The following SLITRK3 variants were observed in gnomAD, a reference collection of about 807,000 sequenced individuals.
The protein encoded by SLITRK3 is SLIT and NTRK like family member 3, also known as SLIT and NTRK-like protein 3.
SLITRK3 carries 16 observed loss-of-function variants against 63.6 expected under a neutral mutation model. The observed-to-expected ratio is 0.25, with a 90% CI of 0.17 to 0.38. The LOEUF (loss-of-function observed/expected upper bound fraction) is 0.38, where lower values mean the gene tolerates loss of function less well. Among genes scored for constraint, SLITRK3 ranks in the 10% least tolerant of loss-of-function variants. The pLI is 1.00. For missense variants in SLITRK3, 1,117 were observed against 1,181.4 expected, an observed-to-expected ratio of 0.95 and a Z score of 0.80; for synonymous variants, 547 against 451.6, an observed-to-expected ratio of 1.21 and a Z score of -2.68.
In SLITRK3 at chr3:165,190,831, C is replaced by T. The variant is rs780491999; in HGVS notation, c.-1G>A. 2.5e-5 allele frequency: 39 copies of T among 1,562,272 alleles called. No homozygotes were observed. The highest frequency in any genetic ancestry group is 1.4e-4 in the East Asian group (6 of 44,376). ...GCATCTCAGCTATGGAAGGTTTCATCGTTCGTGGTTGATTACAAAACTGCA... is the reference window on the plus strand; with the variant it reads ...GCATCTCAGCTATGGAAGGTTTCATTGTTCGTGGTTGATTACAAAACTGCA... On this transcript the variant is annotated 5_prime_UTR_variant, in exon 2 of 2. Coordinates refer to ENST00000475390, the MANE Select transcript of SLITRK3 (RefSeq NM_001318810.2).
chr3:165,189,249 A>C lies in SLITRK3; in HGVS notation c.1582T>G (p.Ser528Ala), dbSNP rs780182834. ...TTCCTCAGGTTGAGCCGGGCCAGGG[A>C]TGTGCCAGCAAAGGCGTCTGTTGGC... The part of the protein sequence containing the change: ...TLPTDAFAGT[S>A]LARLNLRKNY... Residue 528 changes from serine (S) to alanine (A), a missense_variant, in exon 2 of 2, where the codon TCC becomes GCC. By Grantham distance (99) the Ser-to-Ala change is moderately conservative. This residue lies in a region of SLITRK3 where 158 missense variants were observed against 197.2 expected (regional missense o/e 0.80). Transcript: ENST00000475390. The surrounding 1 kb of genome is among the most constrained non-coding windows in gnomAD (Gnocchi z 4.0). 6.2e-7 allele frequency: 1 copy of C among 1,614,176 alleles called. No individual in the cohort carries two copies. Among genetic ancestry groups the C allele is most frequent in the Admixed American group, 1.7e-5 (1 of 60,028 alleles).
At position 165,187,784 on chromosome 3, in the gene SLITRK3, A is replaced by G. The variant is rs1293899722; in HGVS notation, c.*113T>C. ...GTTTTAGTTTTGTTCAGGGTAGGAA[A>G]GATCGTGAGGATGGAGTTACTGGGA... On this transcript the variant is annotated 3_prime_UTR_variant, in exon 2 of 2. Transcript: ENST00000475390. 4 of 860,668 alleles carry G rather than the reference A, an allele frequency of 4.6e-6. No individual in the cohort carries two copies. The highest frequency in any genetic ancestry group is 5.4e-6 in the Non-Finnish European group (3 of 556,466). The allele number at this position is 860,668 out of a possible 1,614,324, so 53.3% of individuals were successfully genotyped here. A position where few individuals can be genotyped will look rare whatever the true frequency, so the allele number is the denominator to read the frequency against.
rs542130373 is a variant in SLITRK3, at chr3:165,196,187, G to C, written c.-629C>G. Among the ~76,000 whole-genome samples the C allele has an allele frequency of 9.9e-5, 15 of 151,464 alleles. No homozygotes were observed. The South Asian group carries it at 3.0e-3, about 30-fold the overall frequency. On this transcript the variant is annotated 5_prime_UTR_variant, in exon 1 of 2. Coordinates refer to ENST00000475390, the MANE Select transcript of SLITRK3 (RefSeq NM_001318810.2). ...GAGAAGAAAAGGGTGGGGAGAGGCG[G>C]AAAGGAGGCAGGAAGGGGGCGACTA...
rs1282805756 is a variant in SLITRK3, at chr3:165,189,286, T to C, written c.1545A>G (p.Leu515=). The change falls in exon 2 of 2, where the codon TTA becomes TTG. Residue 515 remains leucine (L), a synonymous_variant. Transcript: ENST00000475390. The surrounding 1 kb of genome is among the most constrained non-coding windows in gnomAD (Gnocchi z 4.0). ...AGGCGTCTGTTGGCAGAGTCCTCAG[T>C]AAGTTATTATTGAGGAATAGCAGCT... ...NLKLLFLNNN[L]LRTLPTDAFA... 6.2e-7 allele frequency: 1 copy of C among 1,614,146 alleles called. No homozygotes were observed.
intron 1 of SLITRK3, among the ~76,000 whole-genome samples, chr3:165,192,198 T>G (rs1718254186): frequency 7.8e-6 from 1 of 128,914 alleles, no homozygotes; most frequent in Admixed American, 7.9e-5. Context: ...ATAGGAAAAG[T>G]GAAAGAAATA....
Position 165,188,389 on chromosome 3 carries a change from T to C in SLITRK3, c.2442A>G (p.Lys814=), listed in dbSNP as rs773719181. ...NHSNYRTLLE[K]EKEWALAVSS... is the part of the protein sequence containing the mutation. The stretch of plus-strand genomic sequence containing the variant: ...ACACTGCTAGGGCCCACTCCTTCTC[T>C]TTTTCCAGCAAGGTCCGGTAGTTAC... Residue 814 remains lysine (K), a synonymous_variant, in exon 2 of 2, where the codon AAA becomes AAG. Transcript: ENST00000475390. 3 of 1,613,960 alleles carry C rather than the reference T, an allele frequency of 1.9e-6. No individual in the cohort carries two copies. Among genetic ancestry groups the C allele is most frequent in the South Asian group, 2.2e-5 (2 of 91,050 alleles).
Position 165,190,032 on chromosome 3 carries a change from A to C in SLITRK3, c.799T>G (p.Phe267Val). 1 of 1,613,814 alleles carries C rather than the reference A, an allele frequency of 6.2e-7. No individual in the cohort carries two copies. Among genetic ancestry groups the C allele is most frequent in the Non-Finnish European group, 8.5e-7 (1 of 1,179,746 alleles). Residue 267 changes from phenylalanine to valine, a missense_variant, in exon 2 of 2, where the codon TTC becomes GTC. By Grantham distance (50) the Phe-to-Val change is conservative. Transcript: ENST00000475390. ...ATTTCTCGTAGGTCCTTTCCATGGA[A>C]GTGGAAAGGGGTCTCACAGGTAATG... ...GDITCETPFH[F>V]HGKDLREIRK...
At position 165,190,519 on chromosome 3, in the gene SLITRK3, C is replaced by T; in HGVS notation, c.312G>A (p.Val104=). 6 of 1,613,734 alleles carry T rather than the reference C, an allele frequency of 3.7e-6. No individual in the cohort carries two copies. Among genetic ancestry groups the T allele is most frequent in the Non-Finnish European group, 5.1e-6 (6 of 1,179,852 alleles). Residue 104 remains valine (V), a synonymous_variant, in exon 2 of 2, where the codon GTG becomes GTA. Transcript: ENST00000475390. ...ATGCATTGTTCCCAAGATTAATAGA[C>T]ACAGCATTATTCAAATGAAGAAAAC... ...TNSFLHLNNA[V]SINLGNNALQ...
Position 165,190,254 on chromosome 3 carries a change from A to G in SLITRK3, c.577T>C (p.Phe193Leu). 1 of 1,614,174 alleles carries G rather than the reference A, an allele frequency of 6.2e-7. No homozygotes were observed. The highest frequency in any genetic ancestry group is 8.5e-7 in the Non-Finnish European group (1 of 1,180,030). The change falls in exon 2 of 2, where the codon TTT (phenylalanine) becomes CTT (leucine). Residue 193 changes from phenylalanine to leucine, a missense_variant. Transcript: ENST00000475390. Reference protein sequence around the residue: ...NLIPMLPTNLFKAVSLTHLDL... With the variant: ...NLIPMLPTNLLKAVSLTHLDL... Reference sequence around the variant, plus strand: ...AAATGGGTTAAAGAGACAGCCTTAAATAAATTGGTTGGAAGCATGGGGATG... The same window carrying G: ...AAATGGGTTAAAGAGACAGCCTTAAGTAAATTGGTTGGAAGCATGGGGATG...
Position 165,189,307 on chromosome 3 carries a change from C to G in SLITRK3, c.1524G>C (p.Leu508=). The change falls in exon 2 of 2, where the codon CTG becomes CTC. Residue 508 remains leucine, a synonymous_variant. Transcript: ENST00000475390. The surrounding 1 kb of genome is among the most constrained non-coding windows in gnomAD (Gnocchi z 4.0). ...AAFSLMPNLK[L]LFLNNNLLRT... is the part of the protein sequence containing the mutation. ...TCAGTAAGTTATTATTGAGGAATAG[C>G]AGCTTCAAGTTGGGCATGAGGCTGA... 1.3e-5 allele frequency: 21 copies of G among 1,614,218 alleles called. No homozygotes were observed. The highest frequency in any genetic ancestry group is 1.7e-5 in the Non-Finnish European group (20 of 1,180,042).
rs184635837 is a variant in SLITRK3 at position 165,195,080 on chromosome 3, A to G, written c.-22+500T>C. On this transcript the variant is annotated intron_variant, in intron 1 of 1. Transcript: ENST00000475390. ...GCTCACTAATTTTTTCAGATCTAAG[A>G]TTAAGTATTCCAATATGGAAGCAAA... 2.6e-5 allele frequency among the ~76,000 whole-genome samples: 4 copies of G among 152,248 alleles called. No individual in the cohort carries two copies. In the East Asian group the frequency reaches 7.8e-4, roughly 30 times the overall value.
chr3:165,192,526 G>GT (rs962601239), intron 1 of SLITRK3, among the ~76,000 whole-genome samples: 103 of 150,612 alleles, frequency 6.8e-4, no homozygotes, highest in African/African-American at 2.3e-3. Flanking sequence ...TGGGTTTCGG[G>GT]TTTTTTTGTA....
chr3:165,195,525 A>G (rs1022695721), intron 1 of SLITRK3, 55 bp downstream of exon 1: 3 of 152,338 alleles, frequency 2.0e-5, no homozygotes, highest in East Asian at 1.9e-4. Flanking sequence ...CACATCCTAC[A>G]TACGAGAAAT....
upstream of SLITRK3, chr3:165,196,897 G>GTGTCTCTCTCTCTCTCTCTC (rs1718450011): frequency 3.1e-5 from 3 of 96,528 alleles, no homozygotes; most frequent in South Asian, 1.4e-3. Flanking sequence ...CTCTCTCTCT[G>GTGTCTCTCTCTCTCTCTCTC]TCTCTCTCTC....
At position 165,188,094 on chromosome 3, in the gene SLITRK3, G is replaced by A; in HGVS notation, c.2737C>T (p.Leu913=). 1.9e-6 allele frequency: 3 copies of A among 1,613,712 alleles called. No homozygotes were observed. Among genetic ancestry groups the A allele is most frequent in the African/African-American group, 1.3e-5 (1 of 74,872 alleles). The part of the protein sequence containing the change: ...LYGTVPKLKE[L]HVHPPGMQYP... ...TGCATGCCAGGAGGGTGCACGTGCA[G>A]TTCCTTTAATTTGGGCACTGTTCCA... Residue 913 remains leucine, a synonymous_variant, in exon 2 of 2, where the codon CTG becomes TTG. Transcript: ENST00000475390.
chr3:165,196,417 G>C (rs564198758), upstream of SLITRK3, among the ~76,000 whole-genome samples: 1,608 of 138,274 alleles, frequency 0.012, 29 homozygotes, highest in African/African-American at 0.04. Flanking sequence ...CTCACTTCTC[G>C]AGCGGGAGAA....
rs62282368 is a variant in SLITRK3 at position 165,192,568 on chromosome 3, T to G, written c.-21-1717A>C. ...TTATTTATTTATTAGCATGGAACCG[T>G]GAAAAGAAAAAGAAAAAAAAAAAGC... On this transcript the variant is annotated intron_variant, in intron 1 of 1. Coordinates refer to ENST00000475390, the MANE Select transcript of SLITRK3 (RefSeq NM_001318810.2). Among the ~76,000 whole-genome samples the G allele has an allele frequency of 2.7e-5, 4 of 149,022 alleles. No homozygotes were observed. In the Admixed American group the frequency reaches 2.7e-4, roughly 10 times the overall value.
Position 165,187,211 on chromosome 3 carries a change from A to AGTGT in SLITRK3, c.*682_*685dup, listed in dbSNP as rs34713758. 11,572 of 141,218 alleles carry AGTGT rather than the reference A, an allele frequency of 0.082. 501 individuals carry two copies. Among genetic ancestry groups the AGTGT allele is most frequent in the Admixed American group, 0.11 (1,522 of 13,918 alleles). 8.7% of individuals were successfully genotyped at this position (141,218 alleles called of 1,614,324 possible). On this transcript the variant is annotated 3_prime_UTR_variant, in exon 2 of 2. Coordinates refer to ENST00000475390, the MANE Select transcript of SLITRK3 (RefSeq NM_001318810.2). ...ATTGAGTTGAATGGAAATGGTATGG[A>AGTGT]GTGTGTGTGTGTGTGTGTGTGTGTG...
upstream of SLITRK3, chr3:165,196,905 C>CTCTCTCTCTCTCTCTCTCTCTG (rs1560057597): frequency 2.1e-5 from 3 of 144,142 alleles, no homozygotes; most frequent in African/African-American, 7.6e-5. Context: ...CTGTCTCTCT[C>CTCTCTCTCTCTCTCTCTCTCTG]TCTCTCTCTC....
Sources: allele counts gnomAD v4.1 joint callset (sites outside exome capture counted in the v4.1 genomes callset), GRCh38; gene constraint gnomAD v4.1.1; regional missense constraint gnomAD v4.1.1; non-coding constraint Gnocchi (gnomAD v3.1); transcripts MANE v1.5; gene names NCBI Gene and HGNC (gene_info 2026-07-23, HGNC 2026-07-21).